C8B: variants seen among roughly 807,000 people sequenced by gnomAD.
The protein encoded by C8B is complement component C8 beta chain.
A neutral mutation model predicts 64.6 loss-of-function variants in C8B; 67 were observed. That is an observed-to-expected ratio of 1.04 (90% confidence interval 0.85 to 1.27). C8B has a LOEUF of 1.27. Ranked by LOEUF, C8B falls within the 50% of genes most tolerant of loss-of-function variation. The probability of loss-of-function intolerance (pLI) is 0.00; values close to 1 mark genes in which losing one functional copy is unlikely to be tolerated. For missense variants in C8B, 790 were observed against 725.2 expected, an observed-to-expected ratio of 1.09 and a Z score of -1.03; for synonymous variants, 284 against 257.7, an observed-to-expected ratio of 1.10 and a Z score of -0.98.
chr1:56,929,299 T>C lies in C8B; in HGVS notation c.*105A>G. 8.5e-7 allele frequency: 1 copy of C among 1,174,648 alleles called. No homozygotes were observed. The highest frequency in any genetic ancestry group is 1.5e-5 in the African/African-American group (1 of 66,456). 72.8% of individuals were successfully genotyped at this position (1,174,648 alleles called of 1,614,324 possible). ...AAACAGCTTGCATGGCACTGCCTTT[T>C]GCCCTTGCATGAACTCCAGGTGGAA... On this transcript the variant is annotated 3_prime_UTR_variant, in exon 12 of 12. Coordinates refer to ENST00000371237, the MANE Select transcript of C8B (RefSeq NM_000066.4).
At chr1:56,941,052 C>T (rs1161245075) in intron 8 of C8B, 40 bp from the exon 9 acceptor site, 2 of 1,609,310 alleles carry the variant, frequency 1.2e-6, no homozygotes, top group Non-Finnish European at 8.5e-7. Flanking sequence ...AGAAGATATC[C>T]CTTTGCCCCC....
In C8B at chr1:56,959,526, T is replaced by C. The variant is rs1341053621; in HGVS notation, c.249+494A>G. Reference sequence around the variant, plus strand: ...GTGAAGGAAGTGGGAAATGTCATCCTACCTGAGAAAGCAGCATGAAGAAAC... The same window carrying C: ...GTGAAGGAAGTGGGAAATGTCATCCCACCTGAGAAAGCAGCATGAAGAAAC... On this transcript the variant is annotated intron_variant, in intron 2 of 11. Coordinates refer to ENST00000371237, the MANE Select transcript of C8B (RefSeq NM_000066.4). The C allele has an allele frequency of 4.8e-6, 7 of 1,449,784 alleles. No individual in the cohort carries two copies. In the East Asian group the frequency reaches 1.2e-4, roughly 26 times the overall value. The allele number at this position is 1,449,784 out of a possible 1,614,324, so 89.8% of individuals were successfully genotyped here.
chr1:56,943,581 G>T, intron 8 of C8B, 115 bp downstream of exon 8: 1 of 1,175,564 alleles, frequency 8.5e-7, no homozygotes, highest in Non-Finnish European at 1.3e-6. Context: ...GGACATAGTT[G>T]GCCTAGAAGT....
chr1:56,949,857 C>G, intron 5 of C8B, 105 bp from the exon 6 acceptor site: 1 of 809,232 alleles, frequency 1.2e-6, no homozygotes, highest in South Asian at 1.5e-5. Flanking sequence ...GGATACTGAA[C>G]TAGATGCTCT....
At chr1:56,950,739 G>A (rs546656776) in intron 5 of C8B, among the ~76,000 whole-genome samples, 1 of 152,324 alleles carries the variant, frequency 6.6e-6, no homozygotes, top group African/African-American at 2.4e-5. Flanking sequence ...TTCTTCATGT[G>A]TAAAATGGAG....
chr1:56,949,425 C>G, intron 6 of C8B, 130 bp downstream of exon 6: 1 of 877,380 alleles, frequency 1.1e-6, no homozygotes, highest in East Asian at 2.6e-5. Context: ...TTGGACTTCC[C>G]AGCCTCCAGA....
intron 1 of C8B, among the ~76,000 whole-genome samples, chr1:56,961,465 C>T (rs565358812): frequency 6.6e-6 from 1 of 152,286 alleles, no homozygotes; most frequent in South Asian, 2.1e-4. Context: ...CATCCACGGT[C>T]ATGCAGCTGG....
At position 56,945,985 on chromosome 1, in the gene C8B, T is replaced by C. The variant is rs1209537170; in HGVS notation, c.941A>G (p.His314Arg). The part of the protein sequence containing the change: ...YKLKPRSLML[H>R]YEFLQRVKRL... ...CTTAACTCTCTGAAGGAACTCGTAA[T>C]GGAGCATGAGGCTTCTGGGTTTCAG... The change falls in exon 7 of 12, where the codon CAT (histidine) becomes CGT (arginine). Residue 314 changes from histidine to arginine, a missense_variant. Transcript: ENST00000371237. The C allele has an allele frequency of 3.7e-6, 6 of 1,614,164 alleles. No homozygotes were observed. In the African/African-American group the frequency reaches 4.0e-5, roughly 11 times the overall value.
rs763423680 is a variant in C8B at position 56,952,091 on chromosome 1, G to C, written c.623C>G (p.Thr208Arg). 4 of 1,614,002 alleles carry C rather than the reference G, an allele frequency of 2.5e-6. No homozygotes were observed. The highest frequency in any genetic ancestry group is 3.4e-6 in the Non-Finnish European group (4 of 1,180,014). ...GGCSPHYILN[T>R]RFRKPYNVES... ...CACATTGTAGGGCTTCCTAAACCTCGTGTTCAGGATGTAATGCGGGGAGCA... is the reference window on the plus strand; with the variant it reads ...CACATTGTAGGGCTTCCTAAACCTCCTGTTCAGGATGTAATGCGGGGAGCA... Residue 208 changes from threonine (T) to arginine (R), a missense_variant, in exon 5 of 12, where the codon ACG becomes AGG. Thr to Arg is a moderately conservative substitution (Grantham distance 71). Coordinates refer to ENST00000371237, the MANE Select transcript of C8B (RefSeq NM_000066.4).
chr1:56,946,327 G>T (rs986147749), intron 6 of C8B, among the ~76,000 whole-genome samples: 1 of 152,154 alleles, frequency 6.6e-6, no homozygotes, highest in Non-Finnish European at 1.5e-5. Flanking sequence ...ACAAAAGCAG[G>T]CATGGCAGGG....
At position 56,960,047 on chromosome 1, in the gene C8B, G is replaced by C. The variant is rs1557743854; in HGVS notation, c.222C>G (p.Thr74=). 6 of 1,614,102 alleles carry C rather than the reference G, an allele frequency of 3.7e-6. No individual in the cohort carries two copies. The highest frequency in any genetic ancestry group is 5.1e-6 in the Non-Finnish European group (6 of 1,180,006). The change falls in exon 2 of 12, where the codon ACC becomes ACG. Residue 74 remains threonine (T), a synonymous_variant. Coordinates refer to ENST00000371237, the MANE Select transcript of C8B (RefSeq NM_000066.4). ...DCELSSWSSW[T]TCDPCQKKRY... ...TTTTCTTCTGACAGGGGTCACATGT[G>C]GTCCAAGAGGACCAACTAGACAGCT...
At chr1:56,943,659 A>T (rs200667574) in intron 8 of C8B, 37 bp downstream of exon 8, 208 of 1,613,128 alleles carry the variant, frequency 1.3e-4, no homozygotes, top group Non-Finnish European at 2.4e-5. Context: ...GAGGATAAAC[A>T]TTATAAGTGT....
At chr1:56,945,527 G>GCAGGAAGAGATCCAGGATGGATC (rs533546526) in intron 7 of C8B, among the ~76,000 whole-genome samples, 5 of 152,166 alleles carry the variant, frequency 3.3e-5, no homozygotes, top group South Asian at 2.1e-4. Flanking sequence ...ACTCTCGGGT[G>GCAGGAAGAGATCCAGGATGGATC]CAGGAAGAGA....
At chr1:56,958,935 C>G (rs1054316358) in intron 2 of C8B, among the ~76,000 whole-genome samples, 4 of 152,212 alleles carry the variant, frequency 2.6e-5, no homozygotes, top group Non-Finnish European at 5.9e-5. Context: ...CAACCATTCT[C>G]TTTTCTCTGG....
intron 8 of C8B, among the ~76,000 whole-genome samples, chr1:56,941,900 C>T (rs1364207007): frequency 1.3e-5 from 2 of 152,204 alleles, no homozygotes; most frequent in African/African-American, 4.8e-5. Context: ...ACACCTTGAC[C>T]AGGCATGAGT....
intron 1 of C8B, among the ~76,000 whole-genome samples, chr1:56,962,035 ATTT>A (rs1455307853): frequency 6.6e-6 from 1 of 152,108 alleles, no homozygotes; most frequent in Non-Finnish European, 1.5e-5. Flanking sequence ...CCCTCTTCCT[ATTT>A]CAACTACAAA....
At chr1:56,956,664 C>T in intron 3 of C8B, 105 bp downstream of exon 3, 2 of 1,263,202 alleles carry the variant, frequency 1.6e-6, no homozygotes, top group East Asian at 2.3e-5. Context: ...TCCTGAGCTG[C>T]CCCATGACCC....
At chr1:56,957,966 A>C (rs1488725268) in intron 2 of C8B, among the ~76,000 whole-genome samples, 3 of 152,110 alleles carry the variant, frequency 2.0e-5, no homozygotes, top group Non-Finnish European at 4.4e-5. Context: ...AACTGACGAG[A>C]GTGGGGCTCA....
intron 9 of C8B, among the ~76,000 whole-genome samples, chr1:56,939,993 G>A (rs534464280): frequency 6.9e-6 from 1 of 143,902 alleles, no homozygotes; most frequent in East Asian, 2.2e-4. Flanking sequence ...TTGTTGTGAT[G>A]TCTTGTCCTG....
Sources: allele counts gnomAD v4.1 joint callset (sites outside exome capture counted in the v4.1 genomes callset), GRCh38; gene constraint gnomAD v4.1.1; transcripts MANE v1.5; gene names NCBI Gene and HGNC (gene_info 2026-07-23, HGNC 2026-07-21).